Variants in JMJD1C observed in about 807,000 individuals in gnomAD.
JMJD1C encodes jumonji domain-containing protein 1C.
A neutral mutation model predicts 245.3 loss-of-function variants in JMJD1C; 31 were observed. The observed-to-expected ratio is 0.13, with a 90% CI of 0.09 to 0.17. The LOEUF is 0.17. JMJD1C is among the 10% of genes least tolerant of loss of function. JMJD1C has a pLI of 1.00. For missense variants in JMJD1C, 2,691 were observed against 3,000.2 expected (o/e 0.90, Z 2.41); for synonymous variants, 1,057 against 1,017.4 (o/e 1.04, Z -0.74).
intron 1 of JMJD1C, among the ~76,000 whole-genome samples, chr10:63,441,173 A>G (rs1951362465): frequency 6.6e-6 from 1 of 152,202 alleles, no homozygotes; most frequent in Admixed American, 6.5e-5. Context: ...TCTTTAATCC[A>G]TTTATTTAGA....
chr10:63,199,960 T>C (rs1234169446), intron 11 of JMJD1C, among the ~76,000 whole-genome samples: 2 of 152,160 alleles, frequency 1.3e-5, no homozygotes, highest in African/African-American at 4.8e-5. Flanking sequence ...CATTTACATT[T>C]TGCAGCTGAG....
chr10:63,477,529 CG>C (rs1953700727), intron 1 of JMJD1C, among the ~76,000 whole-genome samples: 1 of 143,928 alleles, frequency 6.9e-6, no homozygotes, highest in Non-Finnish European at 1.5e-5. Flanking sequence ...CAAATGGTGC[CG>C]GAACAATTTG....
intron 2 of JMJD1C, among the ~76,000 whole-genome samples, chr10:63,346,481 C>T (rs1303067174): frequency 2.0e-5 from 3 of 152,160 alleles, no homozygotes; most frequent in Non-Finnish European, 2.9e-5. Flanking sequence ...GTAACAATAG[C>T]TAAATCTCAG....
intron 2 of JMJD1C, among the ~76,000 whole-genome samples, chr10:63,302,357 A>G (rs1026712630): frequency 1.3e-5 from 2 of 152,256 alleles, no homozygotes; most frequent in Non-Finnish European, 2.9e-5. Context: ...CACAAGCTTT[A>G]TATCTGTATA....
At chr10:63,246,510 GGAGA>G (rs1852221916) in intron 3 of JMJD1C, among the ~76,000 whole-genome samples, 1 of 151,952 alleles carries the variant, frequency 6.6e-6, no homozygotes, top group African/African-American at 2.4e-5. Context: ...CAAATAAAAT[GGAGA>G]GAGAATTTTT....
Position 63,429,224 on chromosome 10 carries a change from C to A in JMJD1C, c.168+36271G>T, listed in dbSNP as rs1950611655. Among the ~76,000 whole-genome samples, 6 of 152,194 alleles carry A rather than the reference C, an allele frequency of 3.9e-5. No individual in the cohort carries two copies. The South Asian group carries it at 1.2e-3, about 32-fold the overall frequency. ...AAACTCCTGACCTCAGGTGATCCAC[C>A]CACCTCAGCCTCCCAAAGTGCTGGG... On this transcript the variant is annotated intron_variant, in intron 1 of 25. Coordinates refer to ENST00000399262, the MANE Select transcript of JMJD1C (RefSeq NM_032776.3).
At chr10:63,305,684 T>TGTGTGTGTGTGTGTGTGTGTGTGTA in intron 2 of JMJD1C, among the ~76,000 whole-genome samples, 1 of 72,052 alleles carries the variant, frequency 1.4e-5, no homozygotes. Flanking sequence ...GTGTGTGTGT[T>TGTGTGTGTGTGTGTGTGTGTGTGTA]GAAAGATCTT....
chr10:63,409,206 CG>C (rs1564889677), intron 1 of JMJD1C, among the ~76,000 whole-genome samples: 1 of 152,162 alleles, frequency 6.6e-6, no homozygotes, highest in African/African-American at 2.4e-5. Context: ...ACAAACCACT[CG>C]TAATTGACAT....
At chr10:63,203,679 A>C in intron 10 of JMJD1C, 1 of 983,646 alleles carries the variant, frequency 1.0e-6, no homozygotes, top group Non-Finnish European at 1.2e-6. Context: ...AATTAAGAGA[A>C]ACAAAAAGGT....
At chr10:63,424,218 C>T (rs1950295881) in intron 1 of JMJD1C, among the ~76,000 whole-genome samples, 2 of 141,098 alleles carry the variant, frequency 1.4e-5, no homozygotes, top group African/African-American at 5.0e-5. Flanking sequence ...GTACAAATCA[C>T]CATACCCAGC....
At chr10:63,275,668 T>C (rs1856709242) in intron 2 of JMJD1C, among the ~76,000 whole-genome samples, 2 of 152,218 alleles carry the variant, frequency 1.3e-5, no homozygotes. Context: ...TTAAATGATA[T>C]GTAGAGGATC....
At chr10:63,471,531 C>T (rs1311777810) in intron 1 of JMJD1C, among the ~76,000 whole-genome samples, 1 of 152,110 alleles carries the variant, frequency 6.6e-6, no homozygotes, top group East Asian at 1.9e-4. Context: ...CTTAGCAAAA[C>T]AAATATTGTT....
At chr10:63,518,863 G>A (rs747140739) in intron 1 of JMJD1C, among the ~76,000 whole-genome samples, 3 of 152,124 alleles carry the variant, frequency 2.0e-5, no homozygotes, top group Non-Finnish European at 4.4e-5. Context: ...TGGACCCACC[G>A]CCTTAAACAC....
intron 3 of JMJD1C, among the ~76,000 whole-genome samples, chr10:63,254,738 T>TG (rs1458076528): frequency 2.6e-5 from 4 of 151,876 alleles, no homozygotes; most frequent in South Asian, 4.2e-4. Context: ...CTGGTAGAGA[T>TG]GGAGTTTTGC....
chr10:63,472,379 T>C (rs914315822), intron 1 of JMJD1C, among the ~76,000 whole-genome samples: 1 of 152,114 alleles, frequency 6.6e-6, no homozygotes, highest in East Asian at 1.9e-4. Context: ...GTTGCCCAGG[T>C]TGGAGTGCAA....
chr10:63,361,805 C>A (rs12355784), intron 2 of JMJD1C, among the ~76,000 whole-genome samples: 64,315 of 150,070 alleles, frequency 0.43, 14,370 homozygotes, highest in South Asian at 0.53. Flanking sequence ...AAAGCAAAGT[C>A]CAAAATTATA....
chr10:63,273,437 G>A (rs1856513442), intron 2 of JMJD1C, among the ~76,000 whole-genome samples: 1 of 152,178 alleles, frequency 6.6e-6, no homozygotes, highest in Non-Finnish European at 1.5e-5. Flanking sequence ...CAAAAATAAT[G>A]AAGTAATGAC....
Position 63,186,323 on chromosome 10 carries a change from T to C in JMJD1C, c.6631A>G (p.Ile2211Val), listed in dbSNP as rs748990512. 1.9e-5 allele frequency: 30 copies of C among 1,613,626 alleles called. 1 individual carries two copies. The highest frequency in any genetic ancestry group is 3.3e-5 in the South Asian group (3 of 91,048). ...MNISLWKAES[I>V]SLDFGDHQAD... is the part of the protein sequence containing the mutation. ...TGGTGGTCTCCAAAATCAAGACTAATTGATTCCGCCTTCCATAGGCTAATG... is the reference window on the plus strand; with the variant it reads ...TGGTGGTCTCCAAAATCAAGACTAACTGATTCCGCCTTCCATAGGCTAATG... Residue 2211 changes from isoleucine (I) to valine (V), a missense_variant, in exon 19 of 26, where the codon ATT becomes GTT. By Grantham distance (29) the Ile-to-Val change is conservative (BLOSUM62 3). Transcript: ENST00000399262.
At chr10:63,367,820 A>G (rs1306714393) in intron 2 of JMJD1C, among the ~76,000 whole-genome samples, 1 of 152,252 alleles carries the variant, frequency 6.6e-6, no homozygotes, top group African/African-American at 2.4e-5. Context: ...AGACATAACA[A>G]CACAAGAGTT....
Sources: gnomAD v4.1 joint callset for allele counts (sites outside exome capture counted in the v4.1 genomes callset) on GRCh38, gnomAD v4.1.1 for gene constraint, MANE v1.5 for transcripts, NCBI Gene and HGNC (gene_info 2026-07-23, HGNC 2026-07-21) for gene names.